The following PPP2R3C variants were observed in gnomAD, a reference collection of about 807,000 sequenced individuals.
The protein encoded by PPP2R3C is serine/threonine-protein phosphatase 2A regulatory subunit B'' subunit gamma.
Under a neutral mutation model 63.7 loss-of-function variants are expected in PPP2R3C, and 47 were observed. The ratio of observed to expected loss-of-function variants is 0.74; its 90% CI spans 0.58 to 0.94. The LOEUF (loss-of-function observed/expected upper bound fraction) is 0.94, where lower values mean the gene tolerates loss of function less well. Ranked by LOEUF, PPP2R3C falls within the 40% of genes least tolerant of loss-of-function variation. The pLI is 0.00. For synonymous variants in PPP2R3C, 180 were observed against 177.4 expected (o/e 1.01, Z -0.12); for missense variants, 421 against 518.4 (o/e 0.81, Z 1.82).
At chr14:35,088,166 TTCCACA>T in intron 11 of PPP2R3C, 156 bp from the exon 12 acceptor site, 2 of 661,750 alleles carry the variant, frequency 3.0e-6, no homozygotes, top group South Asian at 1.8e-5. Context: ...CTTGACCTTA[TTCCACA>T]TCAGTGAGCA....
In PPP2R3C at chr14:35,107,381, A is replaced by G; in HGVS notation, c.503-7T>C. The G allele has an allele frequency of 6.3e-7, 1 of 1,591,746 alleles. No individual in the cohort carries two copies. The highest frequency in any genetic ancestry group is 8.6e-7 in the Non-Finnish European group (1 of 1,159,838). On this transcript the variant is annotated splice_polypyrimidine_tract_variant and splice_region_variant and intron_variant, in intron 5 of 12. Coordinates refer to ENST00000261475, the MANE Select transcript of PPP2R3C (RefSeq NM_017917.4). ...CTTGTTTGATGAAGCCAAACTGACAATAAACAAGAAAATGAAAGTAATTCT... is the reference window on the plus strand; with the variant it reads ...CTTGTTTGATGAAGCCAAACTGACAGTAAACAAGAAAATGAAAGTAATTCT...
chr14:35,089,854 G>C (rs1253192227), intron 11 of PPP2R3C, among the ~76,000 whole-genome samples: 1 of 61,416 alleles, frequency 1.6e-5, no homozygotes, highest in East Asian at 4.0e-4. Flanking sequence ...TTTTAGTAGA[G>C]ATGGGTTTCA....
chr14:35,092,832 T>C (rs2045867360), intron 10 of PPP2R3C, among the ~76,000 whole-genome samples: 1 of 152,106 alleles, frequency 6.6e-6, no homozygotes, highest in Non-Finnish European at 1.5e-5. Context: ...AGATTTCCAA[T>C]AAGAAGCTGT....
chr14:35,093,375 A>G (rs962162760), intron 10 of PPP2R3C, among the ~76,000 whole-genome samples: 2 of 152,210 alleles, frequency 1.3e-5, no homozygotes, highest in Non-Finnish European at 2.9e-5. Flanking sequence ...TAAAGAATGC[A>G]GATTGTGATC....
chr14:35,122,255 G>A, upstream of PPP2R3C: 1 of 419,478 alleles, frequency 2.4e-6, no homozygotes, highest in Admixed American at 3.5e-5. Context: ...ATAAGCCCGC[G>A]TTTTCCTTTA....
chr14:35,120,266 C>T (rs1034285947), intron 1 of PPP2R3C, among the ~76,000 whole-genome samples: 2 of 150,592 alleles, frequency 1.3e-5, no homozygotes, highest in African/African-American at 4.9e-5. Flanking sequence ...TTTTTTGAGA[C>T]TGAGTGTCGC....
chr14:35,107,955 G>A, intron 5 of PPP2R3C, 184 bp downstream of exon 5: 1 of 663,402 alleles, frequency 1.5e-6, no homozygotes, highest in Non-Finnish European at 2.3e-6. Flanking sequence ...ACACATGAGG[G>A]TTTAAAAAAT....
chr14:35,106,083 G>C (rs1054464491), intron 6 of PPP2R3C, among the ~76,000 whole-genome samples: 1 of 151,228 alleles, frequency 6.6e-6, no homozygotes, highest in Non-Finnish European at 1.5e-5. Context: ...CTGACCTCGT[G>C]ATCCGCCCGC....
At chr14:35,120,000 C>T (rs977179813) in intron 1 of PPP2R3C, among the ~76,000 whole-genome samples, 1 of 151,636 alleles carries the variant, frequency 6.6e-6, no homozygotes, top group Non-Finnish European at 1.5e-5. Context: ...TACAGGCGCC[C>T]GCCACCGCAC....
intron 6 of PPP2R3C, chr14:35,100,443 C>CT (rs1298057861): frequency 1.3e-5 from 2 of 152,164 alleles, no homozygotes; most frequent in African/African-American, 4.8e-5. Context: ...AATGTGAAGG[C>CT]TATTTCTACA....
At chr14:35,098,415 C>T (rs936197269) in intron 7 of PPP2R3C, among the ~76,000 whole-genome samples, 25 of 146,714 alleles carry the variant, frequency 1.7e-4, no homozygotes, top group African/African-American at 4.0e-4. Flanking sequence ...TGCAATAACG[C>T]GATCTCGGCT....
At chr14:35,107,278 A>G (rs763395804) in intron 6 of PPP2R3C, 26 bp downstream of exon 6, 1 of 1,524,532 alleles carries the variant, frequency 6.6e-7, no homozygotes, top group Non-Finnish European at 9.1e-7. Flanking sequence ...AAGAGTTAAT[A>G]TAATATCTAT....
At chr14:35,089,902 C>T (rs150707385) in intron 11 of PPP2R3C, among the ~76,000 whole-genome samples, 30 of 152,062 alleles carry the variant, frequency 2.0e-4, no homozygotes, top group African/African-American at 4.6e-4. Context: ...CCTGACCTTG[C>T]GATCCGCCCA....
intron 10 of PPP2R3C, among the ~76,000 whole-genome samples, chr14:35,093,056 A>G (rs1340630496): frequency 6.6e-6 from 1 of 151,446 alleles, no homozygotes; most frequent in African/African-American, 2.4e-5. Context: ...TAAAAATACA[A>G]AAAAAAATTA....
At chr14:35,122,229 G>C (rs2046932912), upstream of PPP2R3C, 2 of 471,080 alleles carry the variant, frequency 4.2e-6, no homozygotes, top group South Asian at 2.7e-5. Flanking sequence ...CACCAAGCCG[G>C]ATTTTAAAGG....
chr14:35,110,522 T>C lies in PPP2R3C; in HGVS notation c.291+3A>G. On this transcript the variant is annotated splice_donor_region_variant and intron_variant, in intron 3 of 12. Coordinates refer to ENST00000261475, the MANE Select transcript of PPP2R3C (RefSeq NM_017917.4). ...CTAAAGCAACTTTTTGCTTTGTTCT[T>C]ACCTGTAATTCTTCATTATCTAACA... 1 of 1,585,614 alleles carries C rather than the reference T, an allele frequency of 6.3e-7. No individual in the cohort carries two copies. The highest frequency in any genetic ancestry group is 8.6e-7 in the Non-Finnish European group (1 of 1,160,146).
chr14:35,103,677 C>CA (rs1158026847), intron 6 of PPP2R3C, among the ~76,000 whole-genome samples: 7 of 150,308 alleles, frequency 4.7e-5, no homozygotes, highest in Non-Finnish European at 8.9e-5. Context: ...GGCAAGAAAA[C>CA]AAAAAAAAGA....
intron 1 of PPP2R3C, chr14:35,117,325 G>A (rs560038597): frequency 1.4e-5 from 5 of 361,862 alleles, no homozygotes; most frequent in Non-Finnish European, 2.7e-5. Context: ...ATGGTGACTG[G>A]TACACAGTGT....
chr14:35,090,817 G>C (rs997513455), intron 11 of PPP2R3C, among the ~76,000 whole-genome samples: 2 of 148,012 alleles, frequency 1.4e-5, no homozygotes, highest in African/African-American at 5.0e-5. Flanking sequence ...CCGGGTTCAC[G>C]CCATTCTCCT....
Sources: gnomAD v4.1 joint callset for allele counts (sites outside exome capture counted in the v4.1 genomes callset) on GRCh38, gnomAD v4.1.1 for gene constraint, MANE v1.5 for transcripts, NCBI Gene and HGNC (gene_info 2026-07-23, HGNC 2026-07-21) for gene names.